SEMA3C: variants seen among roughly 807,000 people sequenced by gnomAD.
The protein encoded by SEMA3C is semaphorin 3C.
A neutral mutation model predicts 89.4 loss-of-function variants in SEMA3C; 47 were observed. The ratio of observed to expected loss-of-function variants is 0.53; its 90% CI spans 0.42 to 0.67. The LOEUF is 0.67. SEMA3C is among the 30% of genes least tolerant of loss of function. The pLI is 0.00. For missense variants in SEMA3C, 839 were observed against 929.1 expected (o/e 0.90, Z 1.26); for synonymous variants, 310 against 320.2 (o/e 0.97, Z 0.34).
At chr7:80,883,878 A>AT (rs1308535124) in intron 2 of SEMA3C, among the ~76,000 whole-genome samples, 9 of 152,200 alleles carry the variant, frequency 5.9e-5, no homozygotes, top group African/African-American at 2.2e-4. Flanking sequence ...CTCAACTTTC[A>AT]TTTTTACTTA....
upstream of SEMA3C, among the ~76,000 whole-genome samples, chr7:80,920,725 C>T (rs1286792548): frequency 6.6e-6 from 1 of 152,238 alleles, no homozygotes; most frequent in East Asian, 1.9e-4. Context: ...TGAGAAGATC[C>T]TTGACATAAA....
rs773753321 is a variant in SEMA3C, at chr7:80,802,771, A to C, written c.810T>G (p.Thr270=). 6.2e-7 allele frequency: 1 copy of C among 1,610,898 alleles called. No individual in the cohort carries two copies. The change falls in exon 9 of 18, where the codon ACT becomes ACG. Residue 270 remains threonine (T), a synonymous_variant. Coordinates refer to ENST00000265361, the MANE Select transcript of SEMA3C (RefSeq NM_006379.5). The stretch of plus-strand genomic sequence containing the variant: ...TGTTGACAAGGCTACGCAGTCCACC[A>C]GTGTCATTCTAAAACCATTTTGTAA... The part of the protein sequence containing the change: ...SMIARICPND[T]GGLRSLVNKW...
chr7:80,861,508 G>A (rs1242523431), intron 2 of SEMA3C, among the ~76,000 whole-genome samples: 1 of 152,058 alleles, frequency 6.6e-6, no homozygotes, highest in East Asian at 1.9e-4. Flanking sequence ...GGTTATTTGT[G>A]GCAATATGTC....
At chr7:80,907,250 A>G (rs1187119813) in intron 2 of SEMA3C, among the ~76,000 whole-genome samples, 1 of 152,110 alleles carries the variant, frequency 6.6e-6, no homozygotes, top group Non-Finnish European at 1.5e-5. Flanking sequence ...AAAGCTGTCA[A>G]AACTCTAAGC....
chr7:80,839,529 A>AT (rs1462173656), intron 2 of SEMA3C, among the ~76,000 whole-genome samples: 2 of 152,226 alleles, frequency 1.3e-5, no homozygotes, highest in South Asian at 2.1e-4. Flanking sequence ...GTCATTAAAA[A>AT]TTTTTTTTGT....
intron 2 of SEMA3C, among the ~76,000 whole-genome samples, chr7:80,842,419 A>T (rs1156753997): frequency 6.6e-6 from 1 of 152,192 alleles, no homozygotes; most frequent in Non-Finnish European, 1.5e-5. Context: ...ATGTACTTCA[A>T]GAAGAATAGC....
At chr7:80,754,080 G>C (rs192172465) in intron 15 of SEMA3C, among the ~76,000 whole-genome samples, 2 of 152,178 alleles carry the variant, frequency 1.3e-5, no homozygotes, top group Non-Finnish European at 2.9e-5. Context: ...TGGGATTACA[G>C]GCATGCGCCA....
chr7:80,815,554 C>CAAAAAAAAAAAA lies in SEMA3C; in HGVS notation c.447+2733_447+2744dup, dbSNP rs761990267. 1.9e-3 allele frequency among the ~76,000 whole-genome samples: 114 copies of CAAAAAAAAAAAA among 58,820 alleles called. 14 individuals are homozygous for CAAAAAAAAAAAA. In the East Asian group the frequency reaches 0.052, roughly 27 times the overall value. 38.6% of individuals were successfully genotyped at this position (58,820 alleles called of 152,430 possible). On this transcript the variant is annotated intron_variant, in intron 5 of 17. Transcript: ENST00000265361. Reference sequence around the variant, plus strand: ...AAACCCAATCCTTTCTTTAAATGGGCAAAAAAAAAAAAAAAAAAAGTAAAT... The same window carrying CAAAAAAAAAAAA: ...AAACCCAATCCTTTCTTTAAATGGGCAAAAAAAAAAAAAAAAAAAAAAAAAAAAAAAGTAAAT...
intron 4 of SEMA3C, among the ~76,000 whole-genome samples, chr7:80,820,113 T>G (rs6943845): frequency 0.37 from 54,179 of 147,998 alleles, 10,182 homozygotes; most frequent in East Asian, 0.41. Flanking sequence ...GCTGGTGTGC[T>G]GTGGCGTGAT....
At chr7:80,753,998 T>C (rs1787996498) in intron 15 of SEMA3C, among the ~76,000 whole-genome samples, 1 of 152,156 alleles carries the variant, frequency 6.6e-6, no homozygotes, top group African/African-American at 2.4e-5. Flanking sequence ...AGTGCAGTGG[T>C]GCAATCTCGG....
intron 2 of SEMA3C, among the ~76,000 whole-genome samples, chr7:80,906,597 T>C (rs554480397): frequency 5.3e-5 from 8 of 152,212 alleles, no homozygotes; most frequent in Non-Finnish European, 7.3e-5. Flanking sequence ...AATTGCTAGA[T>C]AGTATATTTT....
At chr7:80,824,099 C>T (rs1430051707) in intron 4 of SEMA3C, among the ~76,000 whole-genome samples, 1 of 151,984 alleles carries the variant, frequency 6.6e-6, no homozygotes, top group East Asian at 1.9e-4. Context: ...GTTATAACGT[C>T]AATTAAAATT....
chr7:80,861,663 T>C (rs1032216072), intron 2 of SEMA3C, among the ~76,000 whole-genome samples: 5 of 152,308 alleles, frequency 3.3e-5, no homozygotes, highest in African/African-American at 1.2e-4. Context: ...ATTGCAACAT[T>C]TGTTATTTCA....
Position 80,818,330 on chromosome 7 carries a change from C to G in SEMA3C, c.416G>C (p.Cys139Ser). ...VCGSGAFSPV[C>S]TYLNRGRRSE... ...TCTCCTCCCTCTGTTCAAGTAAGTA[C>G]AGACAGGACTGAAAGCGCCACTCCC... Residue 139 changes from cysteine (C) to serine (S), a missense_variant, in exon 5 of 18, where the codon TGT becomes TCT. By Grantham distance (112) the Cys-to-Ser change is moderately radical. Coordinates refer to ENST00000265361, the MANE Select transcript of SEMA3C (RefSeq NM_006379.5). 6.2e-7 allele frequency: 1 copy of G among 1,613,076 alleles called. No homozygotes were observed. Among genetic ancestry groups the G allele is most frequent in the Non-Finnish European group, 8.5e-7 (1 of 1,179,202 alleles).
At chr7:80,818,270 A>G (rs368788350) in intron 5 of SEMA3C, 29 bp downstream of exon 5, 46 of 1,550,328 alleles carry the variant, frequency 3.0e-5, no homozygotes, top group Non-Finnish European at 4.0e-5. Context: ...CTAATATCAA[A>G]ACTAAGAATG....
intron 10 of SEMA3C, 96 bp downstream of exon 10, chr7:80,800,661 A>T: frequency 1.3e-6 from 1 of 772,506 alleles, no homozygotes; most frequent in Non-Finnish European, 2.1e-6. Flanking sequence ...TGACATGTAA[A>T]ATTAAAAGTT....
chr7:80,804,330 C>T, intron 7 of SEMA3C, 82 bp from the exon 8 acceptor site: 2 of 928,948 alleles, frequency 2.2e-6, no homozygotes, highest in Non-Finnish European at 3.0e-6. Context: ...CAGGCAGATG[C>T]CTTCCCCATC....
At chr7:80,747,260 T>G (rs1787823882) in intron 17 of SEMA3C, among the ~76,000 whole-genome samples, 1 of 152,106 alleles carries the variant, frequency 6.6e-6, no homozygotes, top group Non-Finnish European at 1.5e-5. Flanking sequence ...AACAGAACTT[T>G]GGAAATATTA....
chr7:80,829,822 A>G (rs1350619865), intron 2 of SEMA3C, among the ~76,000 whole-genome samples: 1 of 152,104 alleles, frequency 6.6e-6, no homozygotes, highest in African/African-American at 2.4e-5. Context: ...TTTCTATTCA[A>G]ATGGTTCAGG....
Sources: gnomAD v4.1 joint callset for allele counts (sites outside exome capture counted in the v4.1 genomes callset) on GRCh38, gnomAD v4.1.1 for gene constraint, MANE v1.5 for transcripts, NCBI Gene and HGNC (gene_info 2026-07-23, HGNC 2026-07-21) for gene names.